RAB25: variants seen among roughly 807,000 people sequenced by gnomAD.
RAB25 encodes the protein ras-related protein Rab-25.
Under a neutral mutation model 25.2 loss-of-function variants are expected in RAB25, and 23 were observed. The ratio of observed to expected loss-of-function variants is 0.91; its 90% CI spans 0.66 to 1.29. The LOEUF (loss-of-function observed/expected upper bound fraction) is 1.29, where lower values mean the gene tolerates loss of function less well. RAB25 is among the 50% of genes most tolerant of loss of function. The pLI, the probability that RAB25 is intolerant of heterozygous loss-of-function variation, is 0.00. For missense variants in RAB25, 244 were observed against 277.3 expected, an observed-to-expected ratio of 0.88 and a Z score of 0.85; for synonymous variants, 102 against 111.5, an observed-to-expected ratio of 0.91 and a Z score of 0.54.
At chr1:156,063,052 T>TAAAAA (rs1158919173) in intron 1 of RAB25, among the ~76,000 whole-genome samples, 1 of 67,896 alleles carries the variant, frequency 1.5e-5, no homozygotes, top group Non-Finnish European at 2.8e-5. Flanking sequence ...AGACTCTGTC[T>TAAAAA]AAAAAAAAAA....
chr1:156,066,517 T>G (rs182607395), intron 2 of RAB25, among the ~76,000 whole-genome samples: 1 of 152,288 alleles, frequency 6.6e-6, no homozygotes, highest in Non-Finnish European at 1.5e-5. Flanking sequence ...GCCCCCTCAC[T>G]TCCGCACAAT....
intron 1 of RAB25, 81 bp downstream of exon 1, chr1:156,061,524 GT>G (rs931550311): frequency 2.1e-5 from 30 of 1,448,974 alleles, no homozygotes; most frequent in Non-Finnish European, 2.9e-5. Flanking sequence ...GCCCCCTCCT[GT>G]TTTTTTATCT....
rs753711395 is a variant in RAB25 at position 156,065,999 on chromosome 1, C to T, written c.132C>T (p.Thr44=). The change falls in exon 2 of 5, where the codon ACC becomes ACT. Residue 44 remains threonine, a synonymous_variant. Transcript: ENST00000361084. ...RNEFSHDSRT[T]IGVEFSTRTV... ...AGTTCAGCCACGACAGCCGCACCAC[C>T]ATCGGGGTTGAGTTCTCCACCCGCA... The T allele has an allele frequency of 2.5e-6, 4 of 1,614,106 alleles. No homozygotes were observed. Among genetic ancestry groups the T allele is most frequent in the Non-Finnish European group, 3.4e-6 (4 of 1,179,958 alleles).
rs575221343 is a variant in RAB25 at position 156,063,643 on chromosome 1, T to C, written c.43+2200T>C. Among the ~76,000 whole-genome samples, 10 of 152,302 alleles carry C rather than the reference T, an allele frequency of 6.6e-5. No individual in the cohort carries two copies. In the East Asian group the frequency reaches 1.5e-3, roughly 24 times the overall value. ...GGCATGACTTCCAGTGAGGCCGCTG[T>C]CTGCACCAGAGGCAGACGCTGAAGG... On this transcript the variant is annotated intron_variant, in intron 1 of 4. Transcript: ENST00000361084.
Position 156,061,691 on chromosome 1 carries a change from G to A in RAB25, c.43+248G>A, listed in dbSNP as rs765841858. The stretch of plus-strand genomic sequence containing the variant: ...ATTCCTCCTTAAGAGTGCTGAGTTA[G>A]GCTCCTCTGCCCCGTTCCTAATAGA... On this transcript the variant is annotated intron_variant, in intron 1 of 4. Coordinates refer to ENST00000361084, the MANE Select transcript of RAB25 (RefSeq NM_020387.4). Among the ~76,000 whole-genome samples the A allele has an allele frequency of 4.9e-4, 75 of 152,150 alleles. 1 individual carries two copies. The highest frequency in any genetic ancestry group is 9.8e-4 in the Non-Finnish European group (67 of 68,028).
At chr1:156,065,100 G>T (rs554420527) in intron 1 of RAB25, among the ~76,000 whole-genome samples, 5 of 152,056 alleles carry the variant, frequency 3.3e-5, no homozygotes, top group Non-Finnish European at 7.4e-5. Context: ...CAAAAACTCT[G>T]GCCTGCTAAC....
Position 156,069,651 on chromosome 1 carries a change from T to G in RAB25, c.434-20T>G. 6.4e-7 allele frequency: 1 copy of G among 1,560,228 alleles called. No homozygotes were observed. Among genetic ancestry groups the G allele is most frequent in the Non-Finnish European group, 8.8e-7 (1 of 1,131,116 alleles). On this transcript the variant is annotated intron_variant, in intron 3 of 4. Transcript: ENST00000361084. ...TGCCTTTGACTCCCACAATTAATGG[T>G]GTGTTTCCCTTCCTGGCAGAAAACA...
At chr1:156,069,780 T>C (rs760331746) in intron 4 of RAB25, 29 bp downstream of exon 4, 7 of 1,562,136 alleles carry the variant, frequency 4.5e-6, no homozygotes, top group African/African-American at 1.4e-5. Context: ...TCTGCACCCC[T>C]ATTCCATCCC....
chr1:156,064,506 C>A (rs1366617441), intron 1 of RAB25, among the ~76,000 whole-genome samples: 2 of 152,048 alleles, frequency 1.3e-5, no homozygotes, highest in Non-Finnish European at 2.9e-5. Context: ...GCAGCACCCC[C>A]AGGGCTCAAG....
At chr1:156,061,481 G>T in intron 1 of RAB25, 38 bp downstream of exon 1, 1 of 1,601,900 alleles carries the variant, frequency 6.2e-7, no homozygotes, top group Non-Finnish European at 8.6e-7. Context: ...AAGCCTGAGA[G>T]ACCCAGAAAG....
chr1:156,070,024 C>G, intron 4 of RAB25, 136 bp from the exon 5 acceptor site: 1 of 1,372,026 alleles, frequency 7.3e-7, no homozygotes, highest in South Asian at 1.2e-5. Context: ...CACTTCATTT[C>G]CTTCCTGCAA....
At chr1:156,069,593 GTA>G in intron 3 of RAB25, 76 bp from the exon 4 acceptor site, 1 of 1,169,020 alleles carries the variant, frequency 8.6e-7, no homozygotes, top group Non-Finnish European at 1.3e-6. Context: ...CATGGCAAAT[GTA>G]TATAGCAAAC....
chr1:156,066,206 A>C, intron 2 of RAB25, 100 bp downstream of exon 2: 26 of 935,612 alleles, frequency 2.8e-5, no homozygotes, highest in Non-Finnish European at 2.7e-5. Flanking sequence ...AAGGGGGCTC[A>C]GCAGTGGGCT....
In RAB25 at chr1:156,061,221, A is replaced by T. The variant is rs1647569172; in HGVS notation, c.-180A>T. 9.2e-6 allele frequency: 6 copies of T among 655,340 alleles called. No individual in the cohort carries two copies. Among genetic ancestry groups the T allele is most frequent in the Admixed American group, 2.3e-5 (1 of 43,848 alleles). 40.6% of individuals were successfully genotyped at this position (655,340 alleles called of 1,614,324 possible). A position where few individuals can be genotyped will look rare whatever the true frequency, so the allele number is the denominator to read the frequency against. On this transcript the variant is annotated 5_prime_UTR_variant, in exon 1 of 5. Coordinates refer to ENST00000361084, the MANE Select transcript of RAB25 (RefSeq NM_020387.4). The stretch of plus-strand genomic sequence containing the variant: ...CCACCTGCCAGAGCTGATCCTCCCT[A>T]GGCCCTGCCTAACCTTGAGTTGGCC...
Position 156,068,378 on chromosome 1 carries a change from C to T in RAB25, c.348C>T (p.Ala116=). The T allele has an allele frequency of 6.2e-7, 1 of 1,614,118 alleles. No individual in the cohort carries two copies. The highest frequency in any genetic ancestry group is 1.1e-5 in the South Asian group (1 of 91,076). Residue 116 remains alanine, a synonymous_variant, in exon 3 of 5, where the codon GCC becomes GCT. Transcript: ENST00000361084. ...WLKELYDHAE[A]TIVVMLVGNK... ...AGGAGCTCTATGACCATGCTGAAGC[C>T]ACGATCGTCGTCATGCTCGTGGGTA...
chr1:156,065,796 C>T, intron 1 of RAB25, 115 bp from the exon 2 acceptor site: 1 of 810,226 alleles, frequency 1.2e-6, no homozygotes, highest in Non-Finnish European at 1.9e-6. Flanking sequence ...AGACTCCGTT[C>T]CCTAATCTTT....
chr1:156,067,827 A>C (rs1180054725), intron 2 of RAB25, among the ~76,000 whole-genome samples: 1 of 152,232 alleles, frequency 6.6e-6, no homozygotes, highest in East Asian at 1.9e-4. Context: ...ATCTCAGATC[A>C]CTGCAACTTC....
Position 156,064,021 on chromosome 1 carries a change from A to G in RAB25, c.44-1890A>G, listed in dbSNP as rs765984220. Among the ~76,000 whole-genome samples, 9 of 152,328 alleles carry G rather than the reference A, an allele frequency of 5.9e-5. 1 individual carries two copies. In the South Asian group the frequency reaches 1.7e-3, roughly 28 times the overall value. On this transcript the variant is annotated intron_variant, in intron 1 of 4. Transcript: ENST00000361084. Reference sequence around the variant, plus strand: ...CAAAAGGCCACAAAGTCTGACTTCAATTCCCTTGCCCTAAGCACCTTTGTG... The same window carrying G: ...CAAAAGGCCACAAAGTCTGACTTCAGTTCCCTTGCCCTAAGCACCTTTGTG...
intron 1 of RAB25, 50 bp downstream of exon 1, chr1:156,061,493 G>A (rs778997015): frequency 1.9e-6 from 3 of 1,583,632 alleles, no homozygotes; most frequent in Non-Finnish European, 2.6e-6. Flanking sequence ...CCCAGAAAGA[G>A]ATTGAATAGA....
Sources: allele counts gnomAD v4.1 joint callset (sites outside exome capture counted in the v4.1 genomes callset), GRCh38; gene constraint gnomAD v4.1.1; transcripts MANE v1.5; gene names NCBI Gene and HGNC (gene_info 2026-07-23, HGNC 2026-07-21).